DPH6: variants seen among roughly 807,000 people sequenced by gnomAD.
DPH6 encodes diphthine--ammonia ligase.
In DPH6, 33 loss-of-function variants were observed where a neutral mutation model predicts 38.2. That is an observed-to-expected ratio of 0.86 (90% CI 0.65 to 1.15). The LOEUF (loss-of-function observed/expected upper bound fraction) is 1.15. DPH6 is among the 50% of genes most tolerant of loss of function. The pLI is 0.00. For missense variants in DPH6, 325 were observed against 320.0 expected (o/e 1.02, Z -0.12); for synonymous variants, 108 against 103.0 (o/e 1.05, Z -0.30).
intron 3 of DPH6, among the ~76,000 whole-genome samples, chr15:35,342,705 G>T (rs1470284334): frequency 2.6e-5 from 4 of 152,088 alleles, no homozygotes; most frequent in African/African-American, 7.2e-5. Flanking sequence ...TTCATAATAA[G>T]AAGATTAGAA....
At chr15:35,473,951 T>C (rs1595395277) in intron 3 of DPH6, among the ~76,000 whole-genome samples, 1 of 28,044 alleles carries the variant, frequency 3.6e-5, no homozygotes, top group Non-Finnish European at 2.0e-4. Context: ...TGTGTGTGTG[T>C]GTGTGTGCGC....
chr15:35,284,101 G>A (rs555660587), intron 3 of DPH6, among the ~76,000 whole-genome samples: 18 of 152,154 alleles, frequency 1.2e-4, no homozygotes, highest in Non-Finnish European at 2.2e-4. Context: ...TCCATTTCAA[G>A]TGTGATCTGA....
intron 3 of DPH6, among the ~76,000 whole-genome samples, chr15:35,246,835 C>T (rs1244972265): frequency 6.6e-6 from 1 of 152,170 alleles, no homozygotes. Context: ...CTGGTCCATA[C>T]TTTACTATGG....
chr15:35,384,700 T>C (rs1355831653), intron 6 of DPH6, among the ~76,000 whole-genome samples: 1 of 151,828 alleles, frequency 6.6e-6, no homozygotes. Flanking sequence ...TCACCCCTCA[T>C]TGAGAACCAC....
At chr15:35,400,511 A>G (rs891371125) in intron 6 of DPH6, among the ~76,000 whole-genome samples, 5 of 152,222 alleles carry the variant, frequency 3.3e-5, no homozygotes, top group African/African-American at 1.2e-4. Context: ...GCAAACATAC[A>G]ATCAGAGACA....
intron 3 of DPH6, among the ~76,000 whole-genome samples, chr15:35,321,811 T>C (rs1232629410): frequency 2.6e-5 from 4 of 152,204 alleles, no homozygotes; most frequent in Non-Finnish European, 4.4e-5. Context: ...GGGTTCTTTC[T>C]AACCACTTCA....
At chr15:35,418,888 G>T (rs1212119503) in intron 5 of DPH6, among the ~76,000 whole-genome samples, 1 of 152,074 alleles carries the variant, frequency 6.6e-6, no homozygotes, top group African/African-American at 2.4e-5. Flanking sequence ...CAAGTAAAGT[G>T]AATTGTGTTC....
chr15:35,156,517 C>T, the DPH6 span, among the ~76,000 whole-genome samples: 14 of 151,554 alleles, frequency 9.2e-5, no homozygotes, highest in Admixed American at 3.9e-4. Flanking sequence ...GTGGGAGTGG[C>T]GGGGGTAAAG....
chr15:35,305,859 T>C (rs148467589), intron 3 of DPH6, among the ~76,000 whole-genome samples: 3 of 152,306 alleles, frequency 2.0e-5, no homozygotes, highest in African/African-American at 7.2e-5. Context: ...TCGAGTCTTA[T>C]AATTTTGTAG....
chr15:35,460,067 T>C (rs1331654599), intron 3 of DPH6, among the ~76,000 whole-genome samples: 5 of 152,310 alleles, frequency 3.3e-5, no homozygotes, highest in Non-Finnish European at 7.4e-5. Context: ...CATAGTACCA[T>C]ATGCTATAGA....
the DPH6 span, among the ~76,000 whole-genome samples, chr15:35,193,385 C>T: frequency 0.041 from 6,195 of 151,406 alleles, 138 homozygotes; most frequent in Middle Eastern, 0.052. Context: ...AATAATATTT[C>T]GATAAATTAA....
intron 3 of DPH6, among the ~76,000 whole-genome samples, chr15:35,504,081 C>T (rs1295716539): frequency 6.6e-6 from 1 of 151,830 alleles, no homozygotes; most frequent in Non-Finnish European, 1.5e-5. Flanking sequence ...AGACCTAGCC[C>T]CTATCTCTCC....
At chr15:35,359,799 T>C (rs1342556854) in intron 3 of DPH6, among the ~76,000 whole-genome samples, 2 of 152,168 alleles carry the variant, frequency 1.3e-5, no homozygotes, top group African/African-American at 4.8e-5. Flanking sequence ...AGTCATCTTC[T>C]AAGTTTTTCA....
intron 3 of DPH6, among the ~76,000 whole-genome samples, chr15:35,250,377 C>T (rs1188869063): frequency 2.6e-5 from 4 of 152,060 alleles, no homozygotes; most frequent in Non-Finnish European, 4.4e-5. Context: ...CCTGCCACAA[C>T]GTGTGGCACT....
Position 35,357,299 on chromosome 15 carries a change from T to G in DPH6, n.207+16222A>C, listed in dbSNP as rs113568945. Among the ~76,000 whole-genome samples, 518 of 152,338 alleles carry G rather than the reference T, an allele frequency of 3.4e-3. 2 individuals carry two copies. Among genetic ancestry groups the G allele is most frequent in the African/African-American group, 0.012 (479 of 41,590 alleles). The stretch of plus-strand genomic sequence containing the variant: ...TGCTGCACCCACTGTCTTGCACCAC[T>G]GTCCGACACTCCCCAGTGAGATGAA... On this transcript the variant is annotated intron_variant and non_coding_transcript_variant, in intron 3 of 3. Coordinates refer to the DPH6 transcript ENST00000558973.
intron 5 of DPH6, among the ~76,000 whole-genome samples, chr15:35,419,024 G>C (rs1216615050): frequency 6.6e-6 from 1 of 150,606 alleles, no homozygotes; most frequent in East Asian, 1.9e-4. Flanking sequence ...CTGGATACAA[G>C]AACTGAATAC....
chr15:35,275,608 C>A (rs768123857), intron 3 of DPH6, among the ~76,000 whole-genome samples: 9 of 151,486 alleles, frequency 5.9e-5, no homozygotes, highest in Non-Finnish European at 1.0e-4. Flanking sequence ...GCATGCAGGA[C>A]TTAAAACCTA....
At position 35,534,657 on chromosome 15, in the gene DPH6, AT is replaced by A. The variant is rs576326276; in HGVS notation, c.312+3616del. Among the ~76,000 whole-genome samples, 118 of 151,954 alleles carry A rather than the reference AT, an allele frequency of 7.8e-4. 2 individuals carry two copies. In the Middle Eastern group the frequency reaches 0.01, roughly 13 times the overall value. On this transcript the variant is annotated intron_variant, in intron 3 of 8. Coordinates refer to ENST00000256538, the MANE Select transcript of DPH6 (RefSeq NM_080650.4). The stretch of plus-strand genomic sequence containing the variant: ...ACTGAGATAGAAAATACATTTAAAA[AT>A]AAAGATACATGAAGATTCAGTCTAG...
chr15:35,353,000 G>T (rs1253309784), intron 3 of DPH6, among the ~76,000 whole-genome samples: 1 of 152,186 alleles, frequency 6.6e-6, no homozygotes, highest in Non-Finnish European at 1.5e-5. Context: ...GTATCTCATT[G>T]TGGTTTTGAT....
Sources: gnomAD v4.1 joint callset for allele counts (sites outside exome capture counted in the v4.1 genomes callset) on GRCh38, gnomAD v4.1.1 for gene constraint, MANE v1.5 for transcripts, NCBI Gene and HGNC (gene_info 2026-07-23, HGNC 2026-07-21) for gene names.